NACC2: variants seen among roughly 807,000 people sequenced by gnomAD.
NACC2 encodes the protein NACC family member 2.
Under a neutral mutation model 25.1 loss-of-function variants are expected in NACC2, and 8 were observed. The observed-to-expected ratio is 0.32, with a 90% CI of 0.19 to 0.57. The LOEUF (loss-of-function observed/expected upper bound fraction) is 0.57, where lower values mean the gene tolerates loss of function less well. Among genes scored for constraint, NACC2 ranks in the 20% least tolerant of loss-of-function variants. The pLI is 0.89. For missense variants in NACC2, 644 were observed against 650.2 expected (o/e 0.99, Z 0.10); for synonymous variants, 435 against 294.7 (o/e 1.48, Z -4.88).
chr9:136,078,618 G>C (rs762328696), intron 1 of NACC2, among the ~76,000 whole-genome samples: 1 of 152,210 alleles, frequency 6.6e-6, no homozygotes, highest in Non-Finnish European at 1.5e-5. Flanking sequence ...ATAAACCTGT[G>C]CGAGGCAAGA....
chr9:136,088,980 G>T (rs1830407631), intron 1 of NACC2, among the ~76,000 whole-genome samples: 1 of 152,242 alleles, frequency 6.6e-6, no homozygotes, highest in Admixed American at 6.5e-5. Flanking sequence ...GCGTGGAGCG[G>T]CTGAGGCGGC....
chr9:136,072,192 C>T (rs1013083897), intron 1 of NACC2, among the ~76,000 whole-genome samples: 1 of 151,660 alleles, frequency 6.6e-6, no homozygotes, highest in Non-Finnish European at 1.5e-5. Context: ...TAGCCGAGAT[C>T]GTGCCATTGC....
chr9:136,093,767 A>C (rs1481135446), intron 1 of NACC2, among the ~76,000 whole-genome samples: 1 of 96,074 alleles, frequency 1.0e-5, no homozygotes, highest in African/African-American at 4.1e-5. Flanking sequence ...AGAGGACCAG[A>C]GGGGTGCTCC....
intron 5 of NACC2, among the ~76,000 whole-genome samples, chr9:136,012,789 CG>C (rs1840132360): frequency 6.6e-6 from 1 of 152,080 alleles, no homozygotes; most frequent in Non-Finnish European, 1.5e-5. Context: ...ATCTGGGGCG[CG>C]GGCCGGGGGC....
intron 2 of NACC2, among the ~76,000 whole-genome samples, chr9:136,029,118 G>A (rs1381142383): frequency 3.3e-5 from 5 of 152,240 alleles, no homozygotes; most frequent in African/African-American, 1.2e-4. Context: ...GGCCCAGGCT[G>A]TCAGTTCCGC....
At chr9:136,024,184 GGAGTGTGTGTGTGTGAGGACA>G (rs1564221433) in intron 2 of NACC2, among the ~76,000 whole-genome samples, 4 of 102,634 alleles carry the variant, frequency 3.9e-5, no homozygotes, top group African/African-American at 8.2e-5. Flanking sequence ...GTGTGAGGAC[GGAGTGTGTGTGTGTGAGGACA>G]GAGTGTGTGT....
chr9:136,013,638 G>A lies in NACC2; in HGVS notation c.1157+226C>T, dbSNP rs1222836331. Among the ~76,000 whole-genome samples, 1 of 152,106 alleles carries A rather than the reference G, an allele frequency of 6.6e-6. No individual in the cohort carries two copies. The highest frequency in any genetic ancestry group is 6.5e-5 in the Admixed American group (1 of 15,284). ...GTGTGGCTCTTCATTTTTCTGTTGT[G>A]GGGGTTGCATCCACAAGCCCGTTTG... On this transcript the variant is annotated intron_variant, in intron 4 of 5. Coordinates refer to ENST00000277554, the MANE Select transcript of NACC2 (RefSeq NM_144653.5). The surrounding 1 kb of genome is among the most constrained non-coding windows in gnomAD (Gnocchi z 6.6).
intron 2 of NACC2, among the ~76,000 whole-genome samples, chr9:136,032,095 C>G (rs1415051039): frequency 2.7e-5 from 4 of 146,668 alleles, no homozygotes; most frequent in Non-Finnish European, 5.9e-5. Context: ...TCCCACCGGC[C>G]TTTTCTGTCT....
chr9:136,049,714 C>T lies in NACC2; in HGVS notation c.808G>A (p.Glu270Lys). ...PTSYHNEEDE[E>K]DDEAYDTMVE... ...ATGGTGTCGTAGGCCTCGTCGTCCTCCTCGTCCTCCTCGTTGTGGTACGAG... is the reference window on the plus strand; with the variant it reads ...ATGGTGTCGTAGGCCTCGTCGTCCTTCTCGTCCTCCTCGTTGTGGTACGAG... The change falls in exon 2 of 6, where the codon GAG becomes AAG. Residue 270 changes from glutamate (E) to lysine (K), a missense_variant. Physicochemically the swap from Glu to Lys is moderately conservative, Grantham distance 56 (BLOSUM62 1). Coordinates refer to ENST00000277554, the MANE Select transcript of NACC2 (RefSeq NM_144653.5). 1.3e-6 allele frequency: 1 copy of T among 779,280 alleles called. No homozygotes were observed. 48.3% of individuals were successfully genotyped at this position (779,280 alleles called of 1,614,324 possible).
chr9:136,011,462 A>T lies in NACC2; in HGVS notation c.*54T>A. ...CTTGATCACATTTGTTTGTATTAGT[A>T]ACGCATGCAAGCAGCTCTAGTACTC... On this transcript the variant is annotated 3_prime_UTR_variant, in exon 6 of 6. Transcript: ENST00000277554. The T allele has an allele frequency of 7.6e-7, 1 of 1,319,256 alleles. No homozygotes were observed. Among genetic ancestry groups the T allele is most frequent in the South Asian group, 2.6e-5 (1 of 38,880 alleles). 81.7% of individuals were successfully genotyped at this position (1,319,256 alleles called of 1,614,324 possible).
Position 136,050,410 on chromosome 9 carries a change from C to A in NACC2, c.112G>T (p.Gly38Cys). ...GCCCGGTGGGCCTTGAAGGCCTGGC[C>A]CTTGACCACGATGGACACATCGCAG... ...LYCDVSIVVKGQAFKAHRAVL... is the reference protein window; with the variant it reads ...LYCDVSIVVKCQAFKAHRAVL... Residue 38 changes from glycine (G) to cysteine (C), a missense_variant, in exon 2 of 6, where the codon GGC becomes TGC. Coordinates refer to ENST00000277554, the MANE Select transcript of NACC2 (RefSeq NM_144653.5). The A allele has an allele frequency of 1.3e-6, 1 of 763,940 alleles. No individual in the cohort carries two copies. The highest frequency in any genetic ancestry group is 2.4e-5 in the East Asian group (1 of 40,848). The allele number at this position is 763,940 out of a possible 1,614,324, so 47.3% of individuals were successfully genotyped here. A position where few individuals can be genotyped will look rare whatever the true frequency, so the allele number is the denominator to read the frequency against.
chr9:136,056,211 C>T (rs1033189659), intron 1 of NACC2, among the ~76,000 whole-genome samples: 3 of 152,152 alleles, frequency 2.0e-5, no homozygotes, highest in Non-Finnish European at 4.4e-5. Flanking sequence ...CTCAGGTTTG[C>T]ATTAAACTTT....
At chr9:136,093,342 T>C (rs975581257) in intron 1 of NACC2, among the ~76,000 whole-genome samples, 4 of 152,118 alleles carry the variant, frequency 2.6e-5, no homozygotes, top group Non-Finnish European at 4.4e-5. Context: ...TTTTTAAAAG[T>C]CACCACTAGC....
At chr9:136,033,648 C>CAAAA (rs558163152) in intron 2 of NACC2, among the ~76,000 whole-genome samples, 46 of 70,974 alleles carry the variant, frequency 6.5e-4, no homozygotes, top group East Asian at 1.7e-3. Context: ...GACTCTGTCT[C>CAAAA]AAAAAAAAAA....
chr9:136,077,192 G>A (rs1830272042), intron 1 of NACC2, among the ~76,000 whole-genome samples: 1 of 150,640 alleles, frequency 6.6e-6, no homozygotes, highest in Non-Finnish European at 1.5e-5. Flanking sequence ...TTAGCTGGGC[G>A]TGGTGGCGGG....
rs900037114 is a variant in NACC2, at chr9:136,055,292, G to A, written c.-59-4712C>T. Among the ~76,000 whole-genome samples the A allele has an allele frequency of 1.2e-4, 19 of 152,208 alleles. No homozygotes were observed. The highest frequency in any genetic ancestry group is 3.9e-4 in the African/African-American group (16 of 41,516). On this transcript the variant is annotated intron_variant, in intron 1 of 5. Transcript: ENST00000277554. This position sits in a 1 kb window ranked among gnomAD's most constrained non-coding sequence, Gnocchi z 4.9. ...GACCCCCCTGCCTGAGTGTCGTCCC[G>A]GCAGGATTCACACAAGGACACAGGT... is the stretch of plus-strand genomic sequence containing the variant.
chr9:136,083,334 C>T (rs983971002), intron 1 of NACC2, among the ~76,000 whole-genome samples: 1 of 149,412 alleles, frequency 6.7e-6, no homozygotes, highest in African/African-American at 2.4e-5. Flanking sequence ...GCAGCACCGC[C>T]CTCCCTTCCT....
chr9:136,051,624 G>C (rs1840839417), intron 1 of NACC2, among the ~76,000 whole-genome samples: 1 of 152,104 alleles, frequency 6.6e-6, no homozygotes, highest in Non-Finnish European at 1.5e-5. Flanking sequence ...CGGGTGGCGG[G>C]AGGAGGGCGG....
At chr9:136,045,493 TA>T (rs1840709415) in intron 2 of NACC2, among the ~76,000 whole-genome samples, 1 of 151,868 alleles carries the variant, frequency 6.6e-6, no homozygotes, top group Admixed American at 6.5e-5. Flanking sequence ...CAGCTGCAAT[TA>T]AACATCTGCC....
Sources: gnomAD v4.1 joint callset for allele counts (sites outside exome capture counted in the v4.1 genomes callset) on GRCh38, gnomAD v4.1.1 for gene constraint, Gnocchi (gnomAD v3.1) non-coding constraint, MANE v1.5 for transcripts, NCBI Gene and HGNC (gene_info 2026-07-23, HGNC 2026-07-21) for gene names.